Variants in FER1L6 observed in about 807,000 individuals in gnomAD.
The protein encoded by FER1L6 is fer-1 like family member 6.
A neutral mutation model predicts 219.2 loss-of-function variants in FER1L6; 177 were observed. The observed-to-expected ratio is 0.81, with a 90% confidence interval of 0.71 to 0.91. The LOEUF (loss-of-function observed/expected upper bound fraction) is 0.91, where lower values mean the gene tolerates loss of function less well. Among genes scored for constraint, FER1L6 ranks in the 40% least tolerant of loss-of-function variants. The pLI, the probability that FER1L6 is intolerant of heterozygous loss-of-function variation, is 0.00. For synonymous variants in FER1L6, 768 were observed against 824.3 expected (o/e 0.93, Z 1.17); for missense variants, 2,153 against 2,259.9 (o/e 0.95, Z 0.96).
chr8:123,871,322 G>T (rs1248954771), intron 1 of FER1L6, among the ~76,000 whole-genome samples: 2 of 152,110 alleles, frequency 1.3e-5, no homozygotes, highest in African/African-American at 4.8e-5. Context: ...TCAGATCTTG[G>T]TTTCTAACAC....
At chr8:124,078,734 G>A (rs1159392764) in intron 32 of FER1L6, among the ~76,000 whole-genome samples, 2 of 152,184 alleles carry the variant, frequency 1.3e-5, no homozygotes, top group Admixed American at 1.3e-4. Flanking sequence ...GGGAAGGGAT[G>A]GGTGTTCTTT....
chr8:123,977,319 T>A (rs571966403), intron 9 of FER1L6, 98 bp from the exon 10 acceptor site: 226 of 1,251,898 alleles, frequency 1.8e-4, no homozygotes, highest in Non-Finnish European at 2.5e-4. Flanking sequence ...AGGTTCATTA[T>A]CTTTGAAAAC....
intron 1 of FER1L6, among the ~76,000 whole-genome samples, chr8:123,855,219 G>A (rs757003402): frequency 6.6e-6 from 1 of 152,176 alleles, no homozygotes; most frequent in African/African-American, 2.4e-5. Context: ...TCATGGGAGA[G>A]GGATGCTGTG....
chr8:124,119,462 T>C (rs1823389825), intron 40 of FER1L6, 145 bp from the exon 41 acceptor site: 2 of 663,026 alleles, frequency 3.0e-6, no homozygotes, highest in Non-Finnish European at 5.4e-6. Context: ...CTGCTCCTGC[T>C]TCAGGCAACA....
At chr8:124,013,801 G>A in intron 15 of FER1L6, 1 of 232,532 alleles carries the variant, frequency 4.3e-6, no homozygotes, top group Non-Finnish European at 8.5e-6. Context: ...AATGCTAGTA[G>A]TGTTAGTGTA....
In FER1L6 at chr8:123,956,024, A is replaced by G. The variant is rs1336614658; in HGVS notation, c.26A>G (p.Lys9Arg). The G allele has an allele frequency of 1.2e-6, 2 of 1,612,310 alleles. No individual in the cohort carries two copies. Among genetic ancestry groups the G allele is most frequent in the Middle Eastern group, 1.7e-4 (1 of 6,024 alleles). The change falls in exon 2 of 41, where the codon AAG (lysine) becomes AGG (arginine). Residue 9 changes from lysine to arginine, a missense_variant. By Grantham distance (26) the Lys-to-Arg change is conservative. Coordinates refer to ENST00000522917, the MANE Select transcript of FER1L6 (RefSeq NM_001039112.2). MFGLKVKK[K>R]RNKAEKGLIL... is the part of the protein sequence containing the mutation. ...ATGTTTGGGCTGAAGGTGAAGAAGA[A>G]GAGAAATAAGGCAGAGAAGGGGTTA... is the stretch of plus-strand genomic sequence containing the variant.
intron 1 of FER1L6, among the ~76,000 whole-genome samples, chr8:123,865,230 A>G (rs371070568): frequency 0.069 from 10,275 of 148,832 alleles, 462 homozygotes; most frequent in South Asian, 0.11. Flanking sequence ...GTCTGTTGGA[A>G]TACCCTGCAG....
At chr8:123,926,887 TTC>T (rs770989395) in intron 1 of FER1L6, among the ~76,000 whole-genome samples, 1 of 152,146 alleles carries the variant, frequency 6.6e-6, no homozygotes, top group African/African-American at 2.4e-5. Context: ...GACTACTTAA[TTC>T]TCTCTCTCTC....
chr8:123,869,137 A>G (rs1473825083), intron 1 of FER1L6, among the ~76,000 whole-genome samples: 1 of 152,210 alleles, frequency 6.6e-6, no homozygotes, highest in African/African-American at 2.4e-5. Context: ...CTAAAAGTAG[A>G]AAAAACAAAG....
At chr8:123,891,045 C>T (rs556927616) in intron 1 of FER1L6, among the ~76,000 whole-genome samples, 221 of 152,168 alleles carry the variant, frequency 1.5e-3, no homozygotes, top group African/African-American at 5.2e-3. Flanking sequence ...TTCTCTCAAA[C>T]TAATTTAGTT....
intron 9 of FER1L6, among the ~76,000 whole-genome samples, chr8:123,976,523 AG>A (rs949294191): frequency 6.6e-6 from 1 of 151,680 alleles, no homozygotes; most frequent in African/African-American, 2.4e-5. Context: ...AAAAAAAAAA[AG>A]AAAAGGCAAC....
At chr8:124,110,752 T>A (rs571452903) in intron 39 of FER1L6, among the ~76,000 whole-genome samples, 1 of 152,278 alleles carries the variant, frequency 6.6e-6, no homozygotes, top group African/African-American at 2.4e-5. Context: ...TGTTCTAGAT[T>A]CACATGGTCA....
intron 1 of FER1L6, among the ~76,000 whole-genome samples, chr8:123,870,074 G>T (rs1304309005): frequency 2.0e-5 from 3 of 152,216 alleles, no homozygotes; most frequent in African/African-American, 7.2e-5. Flanking sequence ...TTTGTCATTA[G>T]TGAATTTTAA....
intron 1 of FER1L6, among the ~76,000 whole-genome samples, chr8:123,864,858 T>G (rs1816805325): frequency 6.6e-6 from 1 of 150,742 alleles, no homozygotes; most frequent in Non-Finnish European, 1.5e-5. Flanking sequence ...TTCTCTGTAT[T>G]GGGTATTCTA....
chr8:123,886,515 A>G (rs1817206011), intron 1 of FER1L6, among the ~76,000 whole-genome samples: 1 of 152,206 alleles, frequency 6.6e-6, no homozygotes, highest in Non-Finnish European at 1.5e-5. Flanking sequence ...GAAGCTGAGT[A>G]GATACCAGCC....
At chr8:123,904,207 G>GAATA (rs1812909385) in intron 1 of FER1L6, among the ~76,000 whole-genome samples, 1 of 129,070 alleles carries the variant, frequency 7.7e-6, no homozygotes, top group Non-Finnish European at 1.7e-5. Flanking sequence ...GCATATTTTA[G>GAATA]AATAAACTCT....
At chr8:123,960,077 G>C (rs1050698386) in intron 2 of FER1L6, among the ~76,000 whole-genome samples, 17 of 152,228 alleles carry the variant, frequency 1.1e-4, no homozygotes, top group African/African-American at 4.1e-4. Context: ...TATATAGTTT[G>C]TTTAATTTTC....
At chr8:124,068,920 T>C (rs1270938437) in intron 28 of FER1L6, among the ~76,000 whole-genome samples, 1 of 151,184 alleles carries the variant, frequency 6.6e-6, no homozygotes, top group Non-Finnish European at 1.5e-5. Context: ...AAAAGAAGGG[T>C]CACAAGTTAC....
chr8:124,074,234 A>G lies in FER1L6; in HGVS notation c.4093-1964A>G, dbSNP rs1360457081. Among the ~76,000 whole-genome samples, 3 of 152,314 alleles carry G rather than the reference A, an allele frequency of 2.0e-5. No homozygotes were observed. In the East Asian group the frequency reaches 5.8e-4, roughly 29 times the overall value. The stretch of plus-strand genomic sequence containing the variant: ...GATCATCATTCAACTGGTCAGTGCT[A>G]AATGCAAGAGTCATAGGGTCATGGA... On this transcript the variant is annotated intron_variant, in intron 31 of 40. Transcript: ENST00000522917.
Sources: allele counts gnomAD v4.1 joint callset (sites outside exome capture counted in the v4.1 genomes callset), GRCh38; gene constraint gnomAD v4.1.1; transcripts MANE v1.5; gene names NCBI Gene and HGNC (gene_info 2026-07-23, HGNC 2026-07-21).